The following FARP2 variants were observed in gnomAD, a reference collection of about 807,000 sequenced individuals.
The protein encoded by FARP2 is FERM, ARH/RhoGEF and pleckstrin domain protein 2, also known as FERM, ARHGEF and pleckstrin domain-containing protein 2.
Under a neutral mutation model 130.5 loss-of-function variants are expected in FARP2, and 111 were observed. The observed-to-expected ratio is 0.85, with a 90% confidence interval of 0.73 to 1.00. The LOEUF (loss-of-function observed/expected upper bound fraction) is 1.00. Among genes scored for constraint, FARP2 ranks in the 50% least tolerant of loss-of-function variants. FARP2 has a pLI of 0.00. For missense variants in FARP2, 1,385 were observed against 1,346.3 expected, an observed-to-expected ratio of 1.03 and a Z score of -0.45; for synonymous variants, 504 against 516.9, an observed-to-expected ratio of 0.98 and a Z score of 0.34.
At chr2:241,361,880 A>T (rs1055718225) in intron 1 of FARP2, among the ~76,000 whole-genome samples, 6 of 151,284 alleles carry the variant, frequency 4.0e-5, no homozygotes, top group South Asian at 2.1e-4. Context: ...TATTATTATT[A>T]TTATTTTTAT....
intron 14 of FARP2, 142 bp downstream of exon 14, chr2:241,457,064 G>A (rs1392958716): frequency 2.8e-6 from 2 of 707,908 alleles, no homozygotes; most frequent in Non-Finnish European, 4.4e-6. Flanking sequence ...AGCCTCCTGA[G>A]CAGAGAGGAG....
rs529321115 is a variant in FARP2 at position 241,431,540 on chromosome 2, G to A, written c.772-139G>A. 431 of 578,228 alleles carry A rather than the reference G, an allele frequency of 7.5e-4. 10 individuals carry two copies. In the South Asian group the frequency reaches 8.7e-3, roughly 12 times the overall value. 35.8% of individuals were successfully genotyped at this position (578,228 alleles called of 1,614,324 possible). A position where few individuals can be genotyped will look rare whatever the true frequency, so the allele number is the denominator to read the frequency against. On this transcript the variant is annotated intron_variant, in intron 8 of 26. Transcript: ENST00000264042. ...ATATGTTTAGTTATTGACATTTTAA[G>A]TCAGCTATCTCAGATATAATGGTAA...
chr2:241,453,458 T>TAAA (rs1218069779), intron 13 of FARP2, among the ~76,000 whole-genome samples: 2 of 150,658 alleles, frequency 1.3e-5, no homozygotes, highest in African/African-American at 2.4e-5. Context: ...CCGTCTCTAC[T>TAAA]AAAAATACAA....
At chr2:241,487,902 C>G (rs1034458350) in intron 21 of FARP2, among the ~76,000 whole-genome samples, 51 of 151,666 alleles carry the variant, frequency 3.4e-4, no homozygotes, top group African/African-American at 1.2e-3. Flanking sequence ...CGCCCGCCAC[C>G]ACGCCTGGCT....
At chr2:241,426,200 C>T (rs2062935793) in intron 8 of FARP2, among the ~76,000 whole-genome samples, 1 of 152,098 alleles carries the variant, frequency 6.6e-6, no homozygotes, top group Non-Finnish European at 1.5e-5. Flanking sequence ...GAGGGCAGGG[C>T]CCCGGGAGAG....
At chr2:241,477,142 T>TTA (rs1453394210) in intron 19 of FARP2, among the ~76,000 whole-genome samples, 1 of 148,930 alleles carries the variant, frequency 6.7e-6, no homozygotes, top group Non-Finnish European at 1.5e-5. Flanking sequence ...TTTTTTTTTT[T>TTA]TTATTTGAGA....
At chr2:241,404,970 G>A (rs915800932) in intron 4 of FARP2, 129 bp downstream of exon 4, 12 of 603,528 alleles carry the variant, frequency 2.0e-5, no homozygotes, top group Admixed American at 8.4e-5. Flanking sequence ...CACCAATAGC[G>A]GACAAACTTG....
At chr2:241,382,511 G>A (rs2061687149) in intron 2 of FARP2, among the ~76,000 whole-genome samples, 1 of 152,018 alleles carries the variant, frequency 6.6e-6, no homozygotes, top group African/African-American at 2.4e-5. Context: ...TTGAACTCCT[G>A]GGCTCAAGCC....
chr2:241,422,131 C>T lies in FARP2; in HGVS notation c.771+4022C>T, dbSNP rs538171660. On this transcript the variant is annotated intron_variant, in intron 8 of 26. Transcript: ENST00000264042. ...CTGCACTCCACCCTGGGCAACAGAG[C>T]GAGACTGTCTCAAAAAACAAACACC... is the stretch of plus-strand genomic sequence containing the variant. Among the ~76,000 whole-genome samples the T allele has an allele frequency of 5.6e-4, 80 of 142,810 alleles. 2 individuals are homozygous for T. The South Asian group carries it at 0.018, about 31-fold the overall frequency. The allele number at this position is 142,810 out of a possible 152,430, so 93.7% of individuals were successfully genotyped here.
In FARP2 at chr2:241,484,237, C is replaced by T; in HGVS notation, c.2332-5C>T. ...TTCATGGATGTAAAGCTTGCTGCTT[C>T]TCAGTTCTCAGATATGTTGCTGTAC... On this transcript the variant is annotated splice_region_variant and splice_polypyrimidine_tract_variant and intron_variant, in intron 20 of 26. Coordinates refer to ENST00000264042, the MANE Select transcript of FARP2 (RefSeq NM_014808.4). 5 of 1,614,106 alleles carry T rather than the reference C, an allele frequency of 3.1e-6. No homozygotes were observed. The highest frequency in any genetic ancestry group is 4.2e-6 in the Non-Finnish European group (5 of 1,179,952).
rs373904700 is a variant in FARP2 at position 241,436,551 on chromosome 2, C to G, written c.1158+13C>G. On this transcript the variant is annotated intron_variant, in intron 12 of 26. Transcript: ENST00000264042. ...CCTACCAAAACAGGTTAGTCTCTTC[C>G]GGTTCAACATGGGGGCAGTAGGAGT... 2.5e-6 allele frequency: 4 copies of G among 1,612,098 alleles called. No homozygotes were observed. Among genetic ancestry groups the G allele is most frequent in the Non-Finnish European group, 3.4e-6 (4 of 1,178,220 alleles).
intron 1 of FARP2, among the ~76,000 whole-genome samples, chr2:241,370,150 G>T (rs1018159407): frequency 6.6e-6 from 1 of 152,104 alleles, no homozygotes; most frequent in African/African-American, 2.4e-5. Flanking sequence ...ATACCTTATT[G>T]TATATTTCAA....
intron 18 of FARP2, among the ~76,000 whole-genome samples, chr2:241,469,669 T>C (rs968231540): frequency 1.3e-5 from 2 of 152,208 alleles, no homozygotes; most frequent in South Asian, 4.1e-4. Context: ...TGTTTCTCAT[T>C]GTCAGTCATT....
At position 241,470,998 on chromosome 2, in the gene FARP2, A is replaced by T. The variant is rs117011400; in HGVS notation, c.2131+2621A>T. 7.2e-3 allele frequency among the ~76,000 whole-genome samples: 1,066 copies of T among 148,704 alleles called. 29 individuals are homozygous for T. The South Asian group carries it at 0.075, about 10-fold the overall frequency. ...GGAATGTTATTCTGGGGGGGACACT[A>T]CCCTGAGCGGATCTCGTTCTAAGTG... On this transcript the variant is annotated intron_variant, in intron 18 of 26. Coordinates refer to ENST00000264042, the MANE Select transcript of FARP2 (RefSeq NM_014808.4).
chr2:241,434,049 C>A, intron 9 of FARP2, 109 bp from the exon 10 acceptor site: 1 of 881,908 alleles, frequency 1.1e-6, no homozygotes, highest in Non-Finnish European at 1.7e-6. Flanking sequence ...AAAAACCTTA[C>A]TGATTTTTAA....
At chr2:241,384,960 A>G (rs2061750520) in intron 2 of FARP2, among the ~76,000 whole-genome samples, 1 of 152,244 alleles carries the variant, frequency 6.6e-6, no homozygotes, top group African/African-American at 2.4e-5. Context: ...AAAATAATAG[A>G]AACATGTCCT....
chr2:241,486,742 T>C (rs1360123786), intron 21 of FARP2, among the ~76,000 whole-genome samples: 1 of 152,222 alleles, frequency 6.6e-6, no homozygotes, highest in Non-Finnish European at 1.5e-5. Context: ...GTCCTTCAGA[T>C]CAATTCCAAA....
intron 2 of FARP2, among the ~76,000 whole-genome samples, chr2:241,384,142 A>G (rs1319761824): frequency 1.3e-5 from 2 of 151,890 alleles, no homozygotes; most frequent in Non-Finnish European, 2.9e-5. Flanking sequence ...ACCCAAAGAC[A>G]GCTTTTCTAA....
rs147642373 is a variant in FARP2, at chr2:241,434,096, T to C, written c.868-62T>C. 428 of 1,291,472 alleles carry C rather than the reference T, an allele frequency of 3.3e-4. 5 individuals carry two copies. The East Asian group carries it at 9.6e-3, about 29-fold the overall frequency. The allele number at this position is 1,291,472 out of a possible 1,614,324, so 80.0% of individuals were successfully genotyped here. The stretch of plus-strand genomic sequence containing the variant: ...CCTATCGTGTGATCTGCTTCCTAAA[T>C]GTACTTTCTCTTGTCCAATACTTCA... On this transcript the variant is annotated intron_variant, in intron 9 of 26. Transcript: ENST00000264042.
Sources: gnomAD v4.1 joint callset for allele counts (sites outside exome capture counted in the v4.1 genomes callset) on GRCh38, gnomAD v4.1.1 for gene constraint, MANE v1.5 for transcripts, NCBI Gene and HGNC (gene_info 2026-07-23, HGNC 2026-07-21) for gene names.